PCDHA3: variants seen among roughly 807,000 people sequenced by gnomAD.
PCDHA3 encodes the protein protocadherin alpha 3, also known as protocadherin alpha-3.
A neutral mutation model predicts 62.2 loss-of-function variants in PCDHA3; 41 were observed. That is an observed-to-expected ratio of 0.66 (90% CI 0.51 to 0.86). PCDHA3 has a LOEUF of 0.86. Among genes scored for constraint, PCDHA3 ranks in the 40% least tolerant of loss-of-function variants. The pLI, the probability that PCDHA3 is intolerant of heterozygous loss-of-function variation, is 0.00. For missense variants in PCDHA3, 1,304 were observed against 1,241.2 expected (o/e 1.05, Z -0.76); for synonymous variants, 640 against 555.4 (o/e 1.15, Z -2.14).
At chr5:140,809,320 G>A (rs1764426395) in intron 1 of PCDHA3, 2 of 1,613,974 alleles carry the variant, frequency 1.2e-6, no homozygotes. Context: ...CCAGCCTTTT[G>A]GTGCTCACGC....
At chr5:140,944,188 T>A (rs184996) in intron 1 of PCDHA3, among the ~76,000 whole-genome samples, 85,693 of 151,800 alleles carry the variant, frequency 0.56, 24,784 homozygotes, top group African/African-American at 0.69. Context: ...GTTGGTTTGT[T>A]TTGTTTTGTT....
intron 1 of PCDHA3, chr5:140,851,186 T>C (rs2041985954): frequency 8.1e-7 from 1 of 1,234,476 alleles, no homozygotes; most frequent in Non-Finnish European, 1.0e-6. Context: ...TGAAAACCAA[T>C]TTAGTTGTTA....
chr5:140,922,950 T>G (rs928008081), intron 1 of PCDHA3, among the ~76,000 whole-genome samples: 6 of 152,208 alleles, frequency 3.9e-5, no homozygotes, highest in Non-Finnish European at 5.9e-5. Flanking sequence ...GGAAATCCAG[T>G]TTGTCTTCAG....
intron 1 of PCDHA3, among the ~76,000 whole-genome samples, chr5:140,819,536 A>G (rs1328412419): frequency 6.6e-6 from 1 of 152,166 alleles, no homozygotes; most frequent in Non-Finnish European, 1.5e-5. Context: ...CAAGAAAATA[A>G]TCTGTAACAT....
chr5:140,917,960 T>C (rs531936377), intron 1 of PCDHA3, among the ~76,000 whole-genome samples: 8 of 152,316 alleles, frequency 5.3e-5, no homozygotes, highest in East Asian at 3.9e-4. Context: ...AGGAACATCA[T>C]TGAATCTGTG....
Position 141,010,339 on chromosome 5 carries a change from A to G in PCDHA3, c.*402A>G. 2 of 1,534,058 alleles carry G rather than the reference A, an allele frequency of 1.3e-6. No homozygotes were observed. Among genetic ancestry groups the G allele is most frequent in the East Asian group, 4.9e-5 (2 of 40,762 alleles). On this transcript the variant is annotated 3_prime_UTR_variant, in exon 4 of 4. Transcript: ENST00000522353. ...TTGAGCAGCTTGGGAGTTTGTGGCC[A>G]CTGGGTATGTGTGGCTACCGCGGGT...
intron 3 of PCDHA3, among the ~76,000 whole-genome samples, chr5:141,004,872 C>T (rs1242067093): frequency 6.6e-6 from 1 of 152,042 alleles, no homozygotes; most frequent in Non-Finnish European, 1.5e-5. Context: ...GTTTCTCATC[C>T]CTAAAGTGCT....
intron 1 of PCDHA3, chr5:140,829,839 G>T (rs2150175882): frequency 3.1e-6 from 5 of 1,613,930 alleles, no homozygotes; most frequent in Non-Finnish European, 4.2e-6. Context: ...CTGGTGCCGC[G>T]GTCACTGGGT....
rs1562723002 is a variant in PCDHA3, at chr5:140,876,958, G to C, written c.2394+73367G>C. 3 of 1,613,288 alleles carry C rather than the reference G, an allele frequency of 1.9e-6. No individual in the cohort carries two copies. The East Asian group carries it at 6.7e-5, about 36-fold the overall frequency. On this transcript the variant is annotated intron_variant, in intron 1 of 3. Transcript: ENST00000522353. ...CGCGCTGGTGTCCTACTCGCTGGTG[G>C]AGCGGCGGGTGGGCGAGCACGCACT...
chr5:140,885,122 T>A (rs191806335), intron 1 of PCDHA3, among the ~76,000 whole-genome samples: 1 of 152,332 alleles, frequency 6.6e-6, no homozygotes, highest in African/African-American at 2.4e-5. Context: ...AGTGCACTTT[T>A]CTTTCTTTCT....
Position 140,817,805 on chromosome 5 carries a change from G to A in PCDHA3, c.2394+14214G>A, listed in dbSNP as rs2150099205. Among the ~76,000 whole-genome samples, 979 of 152,180 alleles carry A rather than the reference G, an allele frequency of 6.4e-3. 8 individuals are homozygous for A. The highest frequency in any genetic ancestry group is 0.023 in the African/African-American group (944 of 41,514). On this transcript the variant is annotated intron_variant, in intron 1 of 3. Transcript: ENST00000522353. Reference sequence around the variant, plus strand: ...GGCCTGCTGGTAAAGAAACCTTTACGTTTTTATATATCTGGAAATGTCTTA... The same window carrying A: ...GGCCTGCTGGTAAAGAAACCTTTACATTTTTATATATCTGGAAATGTCTTA...
Position 140,958,669 on chromosome 5 carries a change from A to G in PCDHA3, c.2395-20280A>G, listed in dbSNP as rs570899981. On this transcript the variant is annotated intron_variant, in intron 1 of 3. Coordinates refer to ENST00000522353, the MANE Select transcript of PCDHA3 (RefSeq NM_018906.3). ...CACAGAAAGCTATGATGAAATTTTA[A>G]TTATAAAGGATATTGAATATCCTAG... Among the ~76,000 whole-genome samples, 3 of 152,316 alleles carry G rather than the reference A, an allele frequency of 2.0e-5. No individual in the cohort carries two copies. In the East Asian group the frequency reaches 5.8e-4, roughly 29 times the overall value.
intron 1 of PCDHA3, chr5:140,810,778 G>A (rs1236726789): frequency 6.6e-6 from 1 of 151,406 alleles, no homozygotes; most frequent in African/African-American, 2.4e-5. Context: ...TTTTTTAGTA[G>A]TTTTCAACCT....
intron 1 of PCDHA3, among the ~76,000 whole-genome samples, chr5:140,908,509 A>G (rs1458307706): frequency 1.3e-5 from 2 of 152,116 alleles, no homozygotes; most frequent in Non-Finnish European, 2.9e-5. Flanking sequence ...TGACTTGATG[A>G]CCCATAGTCA....
intron 1 of PCDHA3, chr5:140,828,540 C>G: frequency 6.2e-7 from 1 of 1,614,252 alleles, no homozygotes; most frequent in Non-Finnish European, 8.5e-7. Flanking sequence ...CTGCCAGATT[C>G]TGTGTTTCCA....
intron 1 of PCDHA3, chr5:140,871,328 G>A (rs374687707): frequency 6.2e-7 from 1 of 1,614,128 alleles, no homozygotes; most frequent in Admixed American, 1.7e-5. Flanking sequence ...GTGTGCTCCC[G>A]CGCGGTGGGG....
intron 1 of PCDHA3, chr5:140,866,098 T>C (rs555628749): frequency 6.6e-6 from 1 of 152,318 alleles, no homozygotes; most frequent in African/African-American, 2.4e-5. Context: ...AATTGTTAAG[T>C]AATTAAGAGT....
intron 1 of PCDHA3, among the ~76,000 whole-genome samples, chr5:140,949,947 A>G (rs1554219242): frequency 6.6e-6 from 1 of 151,676 alleles, no homozygotes; most frequent in African/African-American, 2.4e-5. Flanking sequence ...TGCATTTTTT[A>G]GTGGTTGCTG....
intron 1 of PCDHA3, chr5:140,966,857 C>A: frequency 6.3e-7 from 1 of 1,575,742 alleles, no homozygotes; most frequent in Non-Finnish European, 8.6e-7. Flanking sequence ...TCTCCTGCTG[C>A]TGTTGCTGCT....
Sources: gnomAD v4.1 joint callset for allele counts (sites outside exome capture counted in the v4.1 genomes callset) on GRCh38, gnomAD v4.1.1 for gene constraint, MANE v1.5 for transcripts, NCBI Gene and HGNC (gene_info 2026-07-23, HGNC 2026-07-21) for gene names.